The following AFDN variants were observed in gnomAD, a reference collection of about 807,000 sequenced individuals.
AFDN encodes the protein afadin, adherens junction formation factor, also known as afadin.
Under a neutral mutation model 216.6 loss-of-function variants are expected in AFDN, and 68 were observed. That is an observed-to-expected ratio of 0.31 (90% CI 0.26 to 0.38). The LOEUF is 0.38. Ranked by LOEUF, AFDN falls within the 10% of genes least tolerant of loss-of-function variation. AFDN has a pLI of 1.00. For missense variants in AFDN, 2,136 were observed against 2,342.0 expected (o/e 0.91, Z 1.82); for synonymous variants, 868 against 853.7 (o/e 1.02, Z -0.29).
chr6:167,835,951 A>G lies in AFDN; in HGVS notation c.105+8714A>G, dbSNP rs774702539. Among the ~76,000 whole-genome samples the G allele has an allele frequency of 5.9e-4, 90 of 152,234 alleles. 1 individual carries two copies. The highest frequency in any genetic ancestry group is 1.3e-4 in the Non-Finnish European group (9 of 68,034). ...TTTTCCAAGTAAGGCTATAATATAA[A>G]CGTATAATATTTAAAATGTAAACAT... On this transcript the variant is annotated intron_variant, in intron 1 of 33. Transcript: ENST00000683244.
intron 4 of AFDN, 102 bp from the exon 5 acceptor site, chr6:167,875,233 C>G: frequency 1.9e-6 from 2 of 1,072,110 alleles, no homozygotes; most frequent in Non-Finnish European, 2.7e-6. Flanking sequence ...ACAGATGTAG[C>G]CAAATAGCAC....
In AFDN at chr6:167,864,761, GAA is replaced by G. The variant is rs1783980881; in HGVS notation, c.301+16_301+17del. 6.2e-7 allele frequency: 1 copy of G among 1,613,250 alleles called. No homozygotes were observed. The highest frequency in any genetic ancestry group is 1.7e-5 in the Admixed American group (1 of 59,992). ...TGTCAGCGGAGGTCAGTGTATACAGGAAGGGTTTGCTAGAGGCATGACCTGAC... is the reference window on the plus strand; with the variant it reads ...TGTCAGCGGAGGTCAGTGTATACAGGGGGTTTGCTAGAGGCATGACCTGAC... On this transcript the variant is annotated intron_variant, in intron 2 of 33. Coordinates refer to ENST00000683244, the MANE Select transcript of AFDN (RefSeq NM_001386888.1).
intron 2 of AFDN, 56 bp downstream of exon 2, chr6:167,864,802 G>T: frequency 6.5e-7 from 1 of 1,540,712 alleles, no homozygotes; most frequent in Non-Finnish European, 9.0e-7. Flanking sequence ...TGAAGAGACA[G>T]CTTGTCCAGG....
Position 167,970,952 on chromosome 6 carries a change from A to G in AFDN, c.*1017A>G, listed in dbSNP as rs999837836. 9.4e-6 allele frequency: 2 copies of G among 212,030 alleles called. No homozygotes were observed. Among genetic ancestry groups the G allele is most frequent in the Admixed American group, 5.9e-5 (1 of 17,008 alleles). The allele number at this position is 212,030 out of a possible 1,614,324, so 13.1% of individuals were successfully genotyped here. Reference sequence around the variant, plus strand: ...AGGGCATCTGTAACTTAAATATTGTAAGAATAACTCATATGGAAGTTCAAG... The same window carrying G: ...AGGGCATCTGTAACTTAAATATTGTGAGAATAACTCATATGGAAGTTCAAG... On this transcript the variant is annotated 3_prime_UTR_variant, in exon 34 of 34. Transcript: ENST00000683244.
chr6:167,914,134 C>T, intron 16 of AFDN, 34 bp from the exon 17 acceptor site: 1 of 1,609,462 alleles, frequency 6.2e-7, no homozygotes, highest in Non-Finnish European at 8.5e-7. Context: ...TTTGTTTATT[C>T]TCTGTTGCTT....
At chr6:167,902,175 T>G (rs1583338085) in intron 11 of AFDN, 142 bp from the exon 12 acceptor site, 1 of 570,122 alleles carries the variant, frequency 1.8e-6, no homozygotes, top group East Asian at 3.1e-5. Context: ...TTTAATTCTG[T>G]AAGTTCGTGT....
intron 12 of AFDN, 116 bp downstream of exon 12, chr6:167,902,502 CCAGT>C: frequency 2.8e-6 from 2 of 719,490 alleles, no homozygotes; most frequent in Non-Finnish European, 4.9e-6. Context: ...TCCAAGACCA[CCAGT>C]CAATGTCTGA....
At chr6:167,958,708 T>C (rs1199018870) in intron 30 of AFDN, among the ~76,000 whole-genome samples, 2 of 152,238 alleles carry the variant, frequency 1.3e-5, no homozygotes, top group Non-Finnish European at 2.9e-5. Context: ...TGTTTTTGTT[T>C]GCTTGTTTTT....
intron 1 of AFDN, among the ~76,000 whole-genome samples, chr6:167,838,326 C>T (rs62427056): frequency 6.6e-5 from 10 of 151,482 alleles, no homozygotes; most frequent in East Asian, 2.0e-4. Flanking sequence ...GCCATCTCGC[C>T]ATCTCGCTTA....
chr6:167,926,413 A>G (rs1318544709), intron 23 of AFDN, among the ~76,000 whole-genome samples: 1 of 152,240 alleles, frequency 6.6e-6, no homozygotes, highest in Non-Finnish European at 1.5e-5. Context: ...GCATATTTGC[A>G]TCTACTGTCC....
In AFDN at chr6:167,969,159, A is replaced by G. The variant is rs1338553360; in HGVS notation, c.5303A>G (p.His1768Arg). 3 of 1,614,018 alleles carry G rather than the reference A, an allele frequency of 1.9e-6. No individual in the cohort carries two copies. Among genetic ancestry groups the G allele is most frequent in the Non-Finnish European group, 2.5e-6 (3 of 1,179,880 alleles). Residue 1768 changes from histidine to arginine, a missense_variant, in exon 33 of 34, where the codon CAT (histidine) becomes CGT (arginine). By Grantham distance (29) the His-to-Arg change is conservative (BLOSUM62 0). Coordinates refer to ENST00000683244, the MANE Select transcript of AFDN (RefSeq NM_001386888.1). ...PGSTGAAVGA[H>R]DACRDAKEKR... ...TCTACTGGAGCAGCTGTTGGAGCCC[A>G]TGACGCCTGTCGGGATGCAAAAGAG... is the stretch of plus-strand genomic sequence containing the variant.
At chr6:167,889,457 C>T (rs1583293279) in intron 7 of AFDN, 131 bp downstream of exon 7, 2 of 635,002 alleles carry the variant, frequency 3.1e-6, no homozygotes, top group Non-Finnish European at 5.3e-6. Flanking sequence ...GTTGTTGAGA[C>T]AGTCTCACTC....
At chr6:167,943,044 G>T (rs1451438996) in intron 23 of AFDN, 85 bp from the exon 24 acceptor site, 10 of 1,068,564 alleles carry the variant, frequency 9.4e-6, no homozygotes, top group Non-Finnish European at 1.4e-5. Context: ...ATGTTGGGTG[G>T]TTTTATTTTT....
chr6:167,927,032 C>T (rs975314077), intron 23 of AFDN, among the ~76,000 whole-genome samples: 10 of 152,176 alleles, frequency 6.6e-5, no homozygotes, highest in African/African-American at 2.4e-4. Flanking sequence ...TATATTAGCA[C>T]AACTCTCACT....
At chr6:167,947,336 C>A (rs183420776) in intron 27 of AFDN, among the ~76,000 whole-genome samples, 1 of 152,056 alleles carries the variant, frequency 6.6e-6, no homozygotes. Context: ...CCCACCACCA[C>A]GCCCGGCTAA....
intron 6 of AFDN, among the ~76,000 whole-genome samples, chr6:167,888,545 G>A (rs1311189810): frequency 2.0e-5 from 3 of 152,144 alleles, no homozygotes; most frequent in Non-Finnish European, 4.4e-5. Flanking sequence ...CCATATTACA[G>A]TGTTTTGGGG....
At chr6:167,958,849 G>T (rs1231645423) in intron 30 of AFDN, among the ~76,000 whole-genome samples, 1 of 152,230 alleles carries the variant, frequency 6.6e-6, no homozygotes, top group Non-Finnish European at 1.5e-5. Context: ...TTTCTTCAGA[G>T]AAATCTATCT....
chr6:167,911,591 T>G (rs879424480), intron 15 of AFDN, 102 bp downstream of exon 15: 111 of 1,060,214 alleles, frequency 1.0e-4, no homozygotes, highest in African/African-American at 3.5e-4. Context: ...GTTACAAGAT[T>G]TTTTTCTAAA....
intron 12 of AFDN, among the ~76,000 whole-genome samples, chr6:167,903,448 G>A (rs576223661): frequency 2.4e-4 from 37 of 152,308 alleles, no homozygotes; most frequent in Non-Finnish European, 4.4e-4. Flanking sequence ...CAAGAACCAC[G>A]GAGCTTCCAG....
Sources: allele counts gnomAD v4.1 joint callset (sites outside exome capture counted in the v4.1 genomes callset), GRCh38; gene constraint gnomAD v4.1.1; transcripts MANE v1.5; gene names NCBI Gene and HGNC (gene_info 2026-07-23, HGNC 2026-07-21).